KLHL5: variants seen among roughly 807,000 people sequenced by gnomAD.
KLHL5 encodes the protein kelch-like protein 5.
In KLHL5, 48 loss-of-function variants were observed where a neutral mutation model predicts 77.7. The ratio of observed to expected loss-of-function variants is 0.62; its 90% CI spans 0.49 to 0.79. The LOEUF (loss-of-function observed/expected upper bound fraction) is 0.79. Ranked by LOEUF, KLHL5 falls within the 30% of genes least tolerant of loss-of-function variation. KLHL5 has a pLI of 0.00. For missense variants in KLHL5, 723 were observed against 859.7 expected, an observed-to-expected ratio of 0.84 and a Z score of 1.99; for synonymous variants, 260 against 297.0, an observed-to-expected ratio of 0.88 and a Z score of 1.28.
intron 1 of KLHL5, among the ~76,000 whole-genome samples, chr4:39,056,930 C>T (rs1717047582): frequency 6.6e-6 from 1 of 152,270 alleles, no homozygotes; most frequent in Non-Finnish European, 1.5e-5. Flanking sequence ...CTTGTTGCTT[C>T]CAGTCAAGTT....
chr4:39,045,054 C>G lies in KLHL5; in HGVS notation c.-137C>G, dbSNP rs894940392. 3 of 994,076 alleles carry G rather than the reference C, an allele frequency of 3.0e-6. No homozygotes were observed. The African/African-American group carries it at 5.2e-5, about 17-fold the overall frequency. The allele number at this position is 994,076 out of a possible 1,614,324, so 61.6% of individuals were successfully genotyped here. On this transcript the variant is annotated 5_prime_UTR_variant, in exon 1 of 12. Transcript: ENST00000261425. Reference sequence around the variant, plus strand: ...TCCCCCGCTCCTCCCGCCTGGCCGCCCCGGCCCGCCGTGACCCACGGCCGC... The same window carrying G: ...TCCCCCGCTCCTCCCGCCTGGCCGCGCCGGCCCGCCGTGACCCACGGCCGC...
At position 39,065,578 on chromosome 4, in the gene KLHL5, T is replaced by C. The variant is rs1717824034; in HGVS notation, c.383+2543T>C. 2.0e-5 allele frequency among the ~76,000 whole-genome samples: 3 copies of C among 152,112 alleles called. No homozygotes were observed. In the South Asian group the frequency reaches 6.2e-4, roughly 31 times the overall value. ...CATGTTGGCCAGGCTGGTCTTGAAC[T>C]CCTGACCTCAAGTGATCCGCCCACG... On this transcript the variant is annotated intron_variant, in intron 1 of 10. Transcript: ENST00000504108.
intron 1 of KLHL5, among the ~76,000 whole-genome samples, chr4:39,074,046 A>T (rs960696942): frequency 6.6e-6 from 1 of 152,136 alleles, no homozygotes; most frequent in Admixed American, 6.5e-5. Flanking sequence ...ATTCTCATTT[A>T]TTTGTATAAG....
upstream of KLHL5, among the ~76,000 whole-genome samples, chr4:39,061,712 G>T (rs1002591877): frequency 2.0e-5 from 3 of 152,120 alleles, no homozygotes; most frequent in Admixed American, 6.5e-5. Flanking sequence ...TTTTTGAGCC[G>T]CACTTTTCCT....
rs148511737 is a variant in KLHL5, at chr4:39,070,848, T to C, written c.384-5117T>C. ...TATTTCTCTTTACACAATTGCCTTG[T>C]CTCCTCTTCTTCCTCACCCATATAA... is the stretch of plus-strand genomic sequence containing the variant. On this transcript the variant is annotated intron_variant, in intron 1 of 10. Transcript: ENST00000504108. 4.4e-3 allele frequency among the ~76,000 whole-genome samples: 632 copies of C among 145,194 alleles called. 2 individuals are homozygous for C. Among genetic ancestry groups the C allele is most frequent in the Non-Finnish European group, 6.1e-3 (407 of 66,350 alleles).
rs955552042 is a variant in KLHL5, at chr4:39,074,531, A to C, written c.384-1434A>C. Among the ~76,000 whole-genome samples the C allele has an allele frequency of 3.3e-5, 5 of 152,196 alleles. No homozygotes were observed. The South Asian group carries it at 8.3e-4, about 25-fold the overall frequency. The stretch of plus-strand genomic sequence containing the variant: ...GATGTAATAGTTCATTTCCATAAGA[A>C]CACATCTATTTGCAAGAGAGGCTGG... On this transcript the variant is annotated intron_variant, in intron 1 of 10. Coordinates refer to ENST00000504108, the MANE Select transcript of KLHL5 (RefSeq NM_015990.5).
At chr4:39,138,384 A>C in the KLHL5 span, among the ~76,000 whole-genome samples, 7 of 152,260 alleles carry the variant, frequency 4.6e-5, no homozygotes, top group African/African-American at 1.4e-4. Flanking sequence ...TGAATAAAGA[A>C]AATGTAATAC....
chr4:39,106,938 C>G (rs776981534), intron 7 of KLHL5, among the ~76,000 whole-genome samples: 2 of 151,550 alleles, frequency 1.3e-5, no homozygotes, highest in Non-Finnish European at 2.9e-5. Flanking sequence ...AGATGGCACT[C>G]TTGCTGTGTT....
At chr4:39,136,952 G>A in the KLHL5 span, among the ~76,000 whole-genome samples, 2 of 152,204 alleles carry the variant, frequency 1.3e-5, no homozygotes, top group Admixed American at 1.3e-4. Flanking sequence ...GCCGGAGTGG[G>A]TGTGGTAGCA....
chr4:39,092,142 T>C (rs564165420), intron 5 of KLHL5, among the ~76,000 whole-genome samples: 106 of 152,250 alleles, frequency 7.0e-4, no homozygotes, highest in African/African-American at 2.5e-3. Context: ...TTATGAATGC[T>C]TTCAGTTTAA....
Position 39,125,538 on chromosome 4 carries a change from A to G in KLHL5, c.*4472A>G, listed in dbSNP as rs1723489695. Among the ~76,000 whole-genome samples the G allele has an allele frequency of 6.6e-6, 1 of 152,240 alleles. No homozygotes were observed. The highest frequency in any genetic ancestry group is 6.5e-5 in the Admixed American group (1 of 15,288). On this transcript the variant is annotated 3_prime_UTR_variant, in exon 11 of 11. Coordinates refer to ENST00000504108, the MANE Select transcript of KLHL5 (RefSeq NM_015990.5). ...ATAAAGAGAAATGAGGGACTGATAC[A>G]TGCTAAAGCATGGATGAGCCTTGAG...
At chr4:39,140,903 T>A in the KLHL5 span, among the ~76,000 whole-genome samples, 15 of 152,318 alleles carry the variant, frequency 9.8e-5, no homozygotes, top group East Asian at 2.5e-3. Context: ...AGTAAATTGA[T>A]ACCCTTCCCT....
intron 7 of KLHL5, among the ~76,000 whole-genome samples, chr4:39,106,397 C>T (rs1023479447): frequency 2.0e-5 from 3 of 152,192 alleles, no homozygotes; most frequent in Non-Finnish European, 4.4e-5. Flanking sequence ...CTTGTTATTA[C>T]CTAAAATATA....
chr4:39,125,264 T>C lies in KLHL5; in HGVS notation c.*4198T>C, dbSNP rs1723469165. ...TGGGAATGTTAAATGGTGTAGCCACTGTGGAAAACAGTTTGGCAGTTCCTC... is the reference window on the plus strand; with the variant it reads ...TGGGAATGTTAAATGGTGTAGCCACCGTGGAAAACAGTTTGGCAGTTCCTC... On this transcript the variant is annotated 3_prime_UTR_variant, in exon 11 of 11. Transcript: ENST00000504108. Among the ~76,000 whole-genome samples the C allele has an allele frequency of 6.7e-6, 1 of 148,976 alleles. No homozygotes were observed. The highest frequency in any genetic ancestry group is 2.4e-5 in the African/African-American group (1 of 41,040).
chr4:39,118,633 A>G (rs911760778), intron 10 of KLHL5, among the ~76,000 whole-genome samples: 2 of 151,952 alleles, frequency 1.3e-5, no homozygotes, highest in East Asian at 1.9e-4. Context: ...GCGTGCACCT[A>G]TAATCCCAGC....
intron 6 of KLHL5, among the ~76,000 whole-genome samples, chr4:39,100,198 T>C (rs1204084313): frequency 6.6e-6 from 1 of 152,200 alleles, no homozygotes; most frequent in African/African-American, 2.4e-5. Context: ...GATGAGTTCC[T>C]GCTTCCCATC....
In KLHL5 at chr4:39,124,684, C is replaced by T. The variant is rs1013322451; in HGVS notation, c.*3618C>T. Among the ~76,000 whole-genome samples the T allele has an allele frequency of 6.7e-6, 1 of 150,084 alleles. No homozygotes were observed. Among genetic ancestry groups the T allele is most frequent in the African/African-American group, 2.4e-5 (1 of 40,934 alleles). On this transcript the variant is annotated 3_prime_UTR_variant, in exon 11 of 11. Coordinates refer to ENST00000504108, the MANE Select transcript of KLHL5 (RefSeq NM_015990.5). ...AATTAATTCAAAATAGATCAAAGAC[C>T]TAAATGTAAGAGCTAAAACCATAAA...
chr4:39,110,951 A>T (rs1305415751), intron 8 of KLHL5, among the ~76,000 whole-genome samples: 1 of 152,226 alleles, frequency 6.6e-6, no homozygotes, highest in Admixed American at 6.5e-5. Flanking sequence ...GAGCCAGGTG[A>T]TATTTTTGAA....
chr4:39,084,329 A>G (rs1307438810), intron 4 of KLHL5, among the ~76,000 whole-genome samples: 1 of 152,192 alleles, frequency 6.6e-6, no homozygotes, highest in Non-Finnish European at 1.5e-5. Flanking sequence ...TCTGCCTGCC[A>G]CTGAACATGA....
Sources: gnomAD v4.1 joint callset for allele counts (sites outside exome capture counted in the v4.1 genomes callset) on GRCh38, gnomAD v4.1.1 for gene constraint, MANE v1.5 for transcripts, NCBI Gene and HGNC (gene_info 2026-07-23, HGNC 2026-07-21) for gene names.